Variants in INTS1 observed in about 807,000 individuals in gnomAD.
INTS1 encodes integrator complex subunit 1.
A neutral mutation model predicts 241.6 loss-of-function variants in INTS1; 137 were observed. That is an observed-to-expected ratio of 0.57 (90% CI 0.49 to 0.65). INTS1 has a LOEUF of 0.65. Ranked by LOEUF, INTS1 falls within the 30% of genes least tolerant of loss-of-function variation. The pLI is 0.00. For missense variants in INTS1, 3,073 were observed against 3,032.2 expected (o/e 1.01, Z -0.32); for synonymous variants, 1,692 against 1,337.8 (o/e 1.26, Z -5.78).
rs368376204 is a variant in INTS1, at chr7:1,470,734, C to A, written c.6458-42G>T. 6.4e-5 allele frequency: 95 copies of A among 1,490,084 alleles called. No individual in the cohort carries two copies. In the Admixed American group the frequency reaches 9.9e-4, roughly 16 times the overall value. The allele number at this position is 1,490,084 out of a possible 1,614,324, so 92.3% of individuals were successfully genotyped here. A position where few individuals can be genotyped will look rare whatever the true frequency, so the allele number is the denominator to read the frequency against. ...GCCCTGCACGTCACGCTGGCCACAA[C>A]ATCCTGGCCGCAGTGACCAGACCTC... On this transcript the variant is annotated intron_variant, in intron 47 of 47. Transcript: ENST00000404767.
At chr7:1,498,943 G>GGGCCCCCCCCCCCC in intron 8 of INTS1, 32 bp downstream of exon 8, 2 of 1,070,744 alleles carry the variant, frequency 1.9e-6, no homozygotes, top group Non-Finnish European at 2.5e-6. Flanking sequence ...CCCACCCCCT[G>GGGCCCCCCCCCCCC]CCCCGCCCAC....
In INTS1 at chr7:1,500,010, G is replaced by A. The variant is rs371390987; in HGVS notation, c.558C>T (p.Ser186=). 8.1e-5 allele frequency: 131 copies of A among 1,613,360 alleles called. No homozygotes were observed. The African/African-American group carries it at 1.6e-3, about 20-fold the overall frequency. Reference sequence around the variant, plus strand: ...TGATGGAGGCGTCCCGCCGCAGGAGGCTACACAGAGCCTGCCAGGGAGGGC... The same window carrying A: ...TGATGGAGGCGTCCCGCCGCAGGAGACTACACAGAGCCTGCCAGGGAGGGC... The part of the protein sequence containing the change: ...ATEGVIEALC[S]LLRRDASINF... The change falls in exon 5 of 48, where the codon AGC becomes AGT. Residue 186 remains serine, a synonymous_variant. Transcript: ENST00000404767.
intron 3 of INTS1, among the ~76,000 whole-genome samples, chr7:1,501,994 C>G (rs7798489): frequency 0.015 from 2,312 of 152,246 alleles, 56 homozygotes; most frequent in African/African-American, 0.05. Context: ...CCTGCCAGGC[C>G]TCCTCCCTTC....
Position 1,481,043 on chromosome 7 carries a change from C to T in INTS1, c.3851-110G>A. ...GATGCCCCCACCGTCACCAGCACTT[C>T]CCAAGGACTTCAGAAGCTGGGTGAG... On this transcript the variant is annotated intron_variant, in intron 28 of 47. Transcript: ENST00000404767. This position sits in a 1 kb window ranked among gnomAD's most constrained non-coding sequence, Gnocchi z 6.8. The T allele has an allele frequency of 2.5e-6, 2 of 808,272 alleles. No homozygotes were observed. The highest frequency in any genetic ancestry group is 1.7e-5 in the African/African-American group (1 of 58,732). The allele number at this position is 808,272 out of a possible 1,614,324, so 50.1% of individuals were successfully genotyped here.
At chr7:1,483,687 G>A (rs771609157) in intron 26 of INTS1, 55 bp downstream of exon 26, 2 of 1,396,864 alleles carry the variant, frequency 1.4e-6, no homozygotes, top group African/African-American at 2.8e-5. Flanking sequence ...GGTGTGGTCA[G>A]GGCTGTGGCC....
At position 1,474,898 on chromosome 7, in the gene INTS1, C is replaced by A. The variant is rs1781639874; in HGVS notation, c.5503-60G>T. The A allele has an allele frequency of 3.9e-5, 59 of 1,523,960 alleles. No individual in the cohort carries two copies. In the South Asian group the frequency reaches 6.2e-4, roughly 16 times the overall value. The allele number at this position is 1,523,960 out of a possible 1,614,324, so 94.4% of individuals were successfully genotyped here. A position where few individuals can be genotyped will look rare whatever the true frequency, so the allele number is the denominator to read the frequency against. On this transcript the variant is annotated intron_variant, in intron 39 of 47. Coordinates refer to ENST00000404767, the MANE Select transcript of INTS1 (RefSeq NM_001080453.3). ...GGCTCCCCTCACTTGCCCACCCACACTCAGCCTGGCCGCCAGCTGTGGCCG... is the reference window on the plus strand; with the variant it reads ...GGCTCCCCTCACTTGCCCACCCACAATCAGCCTGGCCGCCAGCTGTGGCCG...
In INTS1 at chr7:1,493,882, G is replaced by T. The variant is rs1195452562; in HGVS notation, c.1940C>A (p.Pro647His). The T allele has an allele frequency of 6.4e-7, 1 of 1,563,958 alleles. No individual in the cohort carries two copies. The highest frequency in any genetic ancestry group is 1.2e-5 in the South Asian group (1 of 84,768). ...GCGCATCAGCGTGTCCTCCAAAATG[G>T]GCACCTCGGAGCACAGACGCAGGAA... is the stretch of plus-strand genomic sequence containing the variant. ...NFFLRLCSEV[P>H]ILEDTLMRIL... is the part of the protein sequence containing the mutation. Residue 647 changes from proline to histidine, a missense_variant, in exon 15 of 48, where the codon CCC becomes CAC. Physicochemically the swap from Pro to His is moderately conservative, Grantham distance 77. Transcript: ENST00000404767. This position sits in a 1 kb window ranked among gnomAD's most constrained non-coding sequence, Gnocchi z 5.3.
chr7:1,484,246 AG>A, intron 24 of INTS1, 76 bp from the exon 25 acceptor site: 1 of 1,448,410 alleles, frequency 6.9e-7, no homozygotes, highest in South Asian at 1.3e-5. Context: ...ACCTCGTCGC[AG>A]GCACGCTCTC....
chr7:1,474,279 G>A lies in INTS1; in HGVS notation c.5718C>T (p.Ser1906=), dbSNP rs764010670. Residue 1906 remains serine (S), a synonymous_variant, in exon 41 of 48, where the codon AGC becomes AGT. Transcript: ENST00000404767. ...FQEFRQQNHL[S]CFLHVLGLLE... ...GCAGGCCCAGCACGTGCAGGAAGCA[G>A]CTCAGGTGGTTCTGCTGCCGGAACT... 8 of 1,608,746 alleles carry A rather than the reference G, an allele frequency of 5.0e-6. No individual in the cohort carries two copies. Among genetic ancestry groups the A allele is most frequent in the African/African-American group, 4.0e-5 (3 of 74,954 alleles).
At chr7:1,483,065 G>A (rs185836893) in intron 26 of INTS1, 13 of 262,504 alleles carry the variant, frequency 5.0e-5, no homozygotes, top group African/African-American at 2.4e-4. Context: ...ACAGGCCCAG[G>A]CCCACACAGG....
chr7:1,499,447 C>A, intron 6 of INTS1, 26 bp downstream of exon 6: 10 of 1,577,292 alleles, frequency 6.3e-6, no homozygotes, highest in Non-Finnish European at 8.6e-6. Context: ...GGACACCCGC[C>A]CTCTCTGGCT....
At position 1,499,907 on chromosome 7, in the gene INTS1, T is replaced by A. The variant is rs2128544779; in HGVS notation, c.661A>T (p.Asn221Tyr). 6.2e-7 allele frequency: 1 copy of A among 1,613,396 alleles called. No individual in the cohort carries two copies. The highest frequency in any genetic ancestry group is 8.5e-7 in the Non-Finnish European group (1 of 1,179,622). The change falls in exon 5 of 48, where the codon AAC becomes TAC. Residue 221 changes from asparagine to tyrosine, a missense_variant. Physicochemically the swap from Asn to Tyr is moderately radical, Grantham distance 143. Transcript: ENST00000404767. ...LLMAAYEEDE[N>Y]WPEIFVKVYI... ...ACCTTGACAAAGATCTCGGGCCAGT[T>A]CTCGTCCTCCTCGTAGGCGGCCATG...
Position 1,499,715 on chromosome 7 carries a change from G to C in INTS1, c.685-83C>G, listed in dbSNP as rs372151137. On this transcript the variant is annotated intron_variant, in intron 5 of 47. Coordinates refer to ENST00000404767, the MANE Select transcript of INTS1 (RefSeq NM_001080453.3). The stretch of plus-strand genomic sequence containing the variant: ...AACACCCGCCTGCTGCCCGGGGACT[G>C]GGTGCCCAGGCGGCCCTCTCCAGCT... 3.0e-4 allele frequency: 456 copies of C among 1,496,752 alleles called. 1 individual carries two copies. The African/African-American group carries it at 4.8e-3, about 16-fold the overall frequency. The allele number at this position is 1,496,752 out of a possible 1,614,324, so 92.7% of individuals were successfully genotyped here.
chr7:1,486,698 G>A lies in INTS1; in HGVS notation c.2903C>T (p.Thr968Met). The A allele has an allele frequency of 3.1e-6, 5 of 1,612,680 alleles. No homozygotes were observed. Among genetic ancestry groups the A allele is most frequent in the Non-Finnish European group, 4.2e-6 (5 of 1,179,788 alleles). The change falls in exon 22 of 48, where the codon ACG becomes ATG. Residue 968 changes from threonine to methionine, a missense_variant. Coordinates refer to ENST00000404767, the MANE Select transcript of INTS1 (RefSeq NM_001080453.3). ...CAAGAAGTAGTCCAGCACCTCACAC[G>A]TGGTCTGCTCATCAGCCTTCGGGCC... is the stretch of plus-strand genomic sequence containing the variant. Reference protein sequence around the residue: ...LLGPKADEQTTCEVLDYFLRR... With the variant: ...LLGPKADEQTMCEVLDYFLRR...
intron 7 of INTS1, 35 bp downstream of exon 7, chr7:1,499,220 C>T (rs757298366): frequency 6.2e-6 from 10 of 1,605,678 alleles, no homozygotes; most frequent in East Asian, 2.2e-5. Flanking sequence ...CCGCCCCCGC[C>T]GCCCCCAACT....
chr7:1,497,298 A>C lies in INTS1; in HGVS notation c.1442T>G (p.Phe481Cys), dbSNP rs1283724443. The stretch of plus-strand genomic sequence containing the variant: ...GTCCTTGTTGGTCAGCAGGTCCTGG[A>C]ACACCATGGCCAGGAACTGGGGCAG... ...ELAPKFLAMV[F>C]QDLLTNKDDY... The change falls in exon 11 of 48, where the codon TTC (phenylalanine) becomes TGC (cysteine). Residue 481 changes from phenylalanine to cysteine, a missense_variant. Physicochemically the swap from Phe to Cys is radical, Grantham distance 205. Coordinates refer to ENST00000404767, the MANE Select transcript of INTS1 (RefSeq NM_001080453.3). This position sits in a 1 kb window ranked among gnomAD's most constrained non-coding sequence, Gnocchi z 5.3. The C allele has an allele frequency of 2.5e-6, 4 of 1,612,718 alleles. No homozygotes were observed. The highest frequency in any genetic ancestry group is 2.5e-6 in the Non-Finnish European group (3 of 1,179,506).
At chr7:1,495,400 T>A in intron 13 of INTS1, 33 bp downstream of exon 13, 5 of 1,587,220 alleles carry the variant, frequency 3.2e-6, no homozygotes, top group Non-Finnish European at 4.3e-6. Flanking sequence ...CAGTGGGGTG[T>A]GGGACAGGGG....
rs1286743278 is a variant in INTS1, at chr7:1,476,906, C to A, written c.4951G>T (p.Ala1651Ser). 6.2e-7 allele frequency: 1 copy of A among 1,611,204 alleles called. No individual in the cohort carries two copies. Among genetic ancestry groups the A allele is most frequent in the Non-Finnish European group, 8.5e-7 (1 of 1,179,500 alleles). The change falls in exon 36 of 48, where the codon GCC (alanine) becomes TCC (serine). Residue 1651 changes from alanine (A) to serine (S), a missense_variant. Ala to Ser is a moderately conservative substitution (Grantham distance 99). Coordinates refer to ENST00000404767, the MANE Select transcript of INTS1 (RefSeq NM_001080453.3). ...LFSRRKGKGQ[A>S]QVPSFRPYLL... is the part of the protein sequence containing the mutation. ...TAGGGACGGAACGAGGGCACCTGGG[C>A]CTGACCTTTGCCCTGGGGAGGGAGG...
chr7:1,497,448 G>A lies in INTS1; in HGVS notation c.1426-134C>T. 1 of 869,704 alleles carries A rather than the reference G, an allele frequency of 1.1e-6. No individual in the cohort carries two copies. The highest frequency in any genetic ancestry group is 1.7e-6 in the Non-Finnish European group (1 of 592,582). 53.9% of individuals were successfully genotyped at this position (869,704 alleles called of 1,614,324 possible). On this transcript the variant is annotated intron_variant, in intron 10 of 47. Transcript: ENST00000404767. This position sits in a 1 kb window ranked among gnomAD's most constrained non-coding sequence, Gnocchi z 5.3. ...CTCAGACAGTGTGGGGTGCGGGGTG[G>A]CGGGCTCCTTGCTCTACTGGCTGCC...
Sources: gnomAD v4.1 joint callset for allele counts (sites outside exome capture counted in the v4.1 genomes callset) on GRCh38, gnomAD v4.1.1 for gene constraint, Gnocchi (gnomAD v3.1) non-coding constraint, MANE v1.5 for transcripts, NCBI Gene and HGNC (gene_info 2026-07-23, HGNC 2026-07-21) for gene names.